Variants in NAALADL2 observed in about 807,000 individuals in gnomAD.
NAALADL2 encodes N-acetylated alpha-linked acidic dipeptidase like 2, also known as inactive N-acetylated-alpha-linked acidic dipeptidase-like protein 2.
NAALADL2 carries 76 observed loss-of-function variants against 87.2 expected under a neutral mutation model. That is an observed-to-expected ratio of 0.87 (90% confidence interval 0.72 to 1.05). The LOEUF (loss-of-function observed/expected upper bound fraction) is 1.05. NAALADL2 is among the 50% of genes least tolerant of loss of function. The pLI, the probability that NAALADL2 is intolerant of heterozygous loss-of-function variation, is 0.00. For missense variants in NAALADL2, 1,089 were observed against 945.8 expected (o/e 1.15, Z -1.99); for synonymous variants, 354 against 331.0 (o/e 1.07, Z -0.75).
intron 9 of NAALADL2, among the ~76,000 whole-genome samples, chr3:175,502,914 G>A (rs1029063331): frequency 1.5e-5 from 2 of 136,440 alleles, no homozygotes; most frequent in African/African-American, 6.4e-5. Flanking sequence ...TTTTTAATGA[G>A]ATTTTTTTTC....
intron 1 of NAALADL2, among the ~76,000 whole-genome samples, chr3:174,441,202 C>A (rs1267642359): frequency 6.6e-6 from 1 of 151,898 alleles, no homozygotes; most frequent in East Asian, 1.9e-4. Flanking sequence ...GCCGACCCGG[C>A]GTGAAGTACG....
intron 6 of NAALADL2, among the ~76,000 whole-genome samples, chr3:175,448,565 G>T (rs973899450): frequency 6.6e-6 from 1 of 152,110 alleles, no homozygotes; most frequent in Non-Finnish European, 1.5e-5. Flanking sequence ...CTAGCTCCAT[G>T]CCCTCCCCTA....
chr3:174,740,990 CT>C (rs1218566926), intron 3 of NAALADL2, among the ~76,000 whole-genome samples: 19 of 151,664 alleles, frequency 1.3e-4, no homozygotes, highest in Non-Finnish European at 2.8e-4. Context: ...AAGAGGTAGA[CT>C]TTGCTTTGGG....
At chr3:175,319,553 C>T (rs1167876705) in intron 4 of NAALADL2, among the ~76,000 whole-genome samples, 1 of 152,156 alleles carries the variant, frequency 6.6e-6, no homozygotes, top group African/African-American at 2.4e-5. Context: ...GGCGCGGTGG[C>T]TCACACCTAT....
intron 5 of NAALADL2, among the ~76,000 whole-genome samples, chr3:175,393,101 C>T (rs946261305): frequency 3.3e-5 from 5 of 151,116 alleles, no homozygotes; most frequent in Non-Finnish European, 7.4e-5. Flanking sequence ...GGTGAAACCC[C>T]GTCTCTACTA....
intron 4 of NAALADL2, among the ~76,000 whole-genome samples, chr3:175,265,135 A>G (rs1751705888): frequency 6.6e-6 from 1 of 151,636 alleles, no homozygotes; most frequent in Admixed American, 6.6e-5. Context: ...TTACTATTCT[A>G]TGGACTCAAA....
chr3:175,189,499 C>T (rs1737832802), intron 2 of NAALADL2, among the ~76,000 whole-genome samples: 1 of 151,992 alleles, frequency 6.6e-6, no homozygotes, highest in Admixed American at 6.6e-5. Context: ...CAATAAAATA[C>T]TTAAGAATAA....
chr3:174,520,173 C>CAA (rs1343924416), intron 1 of NAALADL2, among the ~76,000 whole-genome samples: 1 of 152,136 alleles, frequency 6.6e-6, no homozygotes, highest in Non-Finnish European at 1.5e-5. Flanking sequence ...CAATTCCTGG[C>CAA]AAATTACCAA....
At chr3:175,208,665 G>A (rs753295768) in intron 2 of NAALADL2, among the ~76,000 whole-genome samples, 3 of 152,066 alleles carry the variant, frequency 2.0e-5, no homozygotes, top group Non-Finnish European at 2.9e-5. Context: ...ACATTCTTCC[G>A]ATAATGCATT....
At chr3:175,625,606 C>T (rs1291235918) in intron 10 of NAALADL2, among the ~76,000 whole-genome samples, 1 of 151,938 alleles carries the variant, frequency 6.6e-6, no homozygotes, top group Non-Finnish European at 1.5e-5. Context: ...TCTTTGTTAA[C>T]ATAAACACAC....
At chr3:174,776,773 A>T (rs1313068421) in intron 3 of NAALADL2, among the ~76,000 whole-genome samples, 1 of 152,152 alleles carries the variant, frequency 6.6e-6, no homozygotes, top group Admixed American at 6.6e-5. Context: ...AGTGTGATAA[A>T]ATTAAGAAAT....
chr3:175,318,959 CAG>C (rs34481796), intron 4 of NAALADL2, among the ~76,000 whole-genome samples: 33,923 of 152,048 alleles, frequency 0.22, 3,872 homozygotes, highest in African/African-American at 0.25. Flanking sequence ...CTTTTAATTG[CAG>C]AGTTATATTC....
chr3:174,900,594 CT>C (rs1312428965), intron 1 of NAALADL2, among the ~76,000 whole-genome samples: 1 of 151,538 alleles, frequency 6.6e-6, no homozygotes, highest in African/African-American at 2.4e-5. Flanking sequence ...CATAAATAAG[CT>C]TTTATATGAA....
At chr3:175,373,532 A>G (rs892828806) in intron 5 of NAALADL2, among the ~76,000 whole-genome samples, 1 of 152,120 alleles carries the variant, frequency 6.6e-6, no homozygotes, top group Non-Finnish European at 1.5e-5. Context: ...ATTCTATTTT[A>G]TGCTCATATC....
chr3:174,716,375 C>T (rs1731190419), intron 2 of NAALADL2, among the ~76,000 whole-genome samples: 1 of 151,954 alleles, frequency 6.6e-6, no homozygotes, highest in Non-Finnish European at 1.5e-5. Flanking sequence ...CCAAAGAGGG[C>T]TAGTCTCACA....
chr3:174,737,154 T>A (rs1733302882), intron 2 of NAALADL2, among the ~76,000 whole-genome samples: 1 of 152,216 alleles, frequency 6.6e-6, no homozygotes, highest in Admixed American at 6.5e-5. Flanking sequence ...GTAGCCAGTG[T>A]CATGGCAGCA....
chr3:175,559,751 A>G (rs987091372), intron 9 of NAALADL2, among the ~76,000 whole-genome samples: 2 of 152,234 alleles, frequency 1.3e-5, no homozygotes, highest in Non-Finnish European at 2.9e-5. Context: ...ACTGATTTGC[A>G]TATGTTGCAC....
At chr3:174,473,222 G>A (rs1474781614) in intron 1 of NAALADL2, among the ~76,000 whole-genome samples, 1 of 152,022 alleles carries the variant, frequency 6.6e-6, no homozygotes, top group African/African-American at 2.4e-5. Flanking sequence ...TGCCCTCCCT[G>A]CCAACCTGGA....
At chr3:174,812,334 G>C (rs115253146) in intron 3 of NAALADL2, among the ~76,000 whole-genome samples, 1 of 152,106 alleles carries the variant, frequency 6.6e-6, no homozygotes, top group African/African-American at 2.4e-5. Context: ...CTATAAGTGA[G>C]TAACACCTAG....
Sources: gnomAD v4.1 joint callset for allele counts (sites outside exome capture counted in the v4.1 genomes callset) on GRCh38, gnomAD v4.1.1 for gene constraint, MANE v1.5 for transcripts, NCBI Gene and HGNC (gene_info 2026-07-23, HGNC 2026-07-21) for gene names.